The following TMEM69 variants were observed in gnomAD, a reference collection of about 807,000 sequenced individuals.
TMEM69 encodes transmembrane protein 69.
TMEM69 carries 17 observed loss-of-function variants against 15.8 expected under a neutral mutation model. That is an observed-to-expected ratio of 1.07 (90% CI 0.73 to 1.61). The LOEUF (loss-of-function observed/expected upper bound fraction) is 1.61. Among genes scored for constraint, TMEM69 ranks in the 40% most tolerant of loss-of-function variants. TMEM69 has a pLI of 0.00. For missense variants in TMEM69, 230 were observed against 286.1 expected, an observed-to-expected ratio of 0.80 and a Z score of 1.41; for synonymous variants, 80 against 98.6, an observed-to-expected ratio of 0.81 and a Z score of 1.12.
At chr1:45,690,928 A>G (rs927194676) in intron 1 of TMEM69, 46 bp from the exon 2 acceptor site, 83 of 780,162 alleles carry the variant, frequency 1.1e-4, no homozygotes, top group East Asian at 2.7e-4. Context: ...TTAAAAATTA[A>G]TGTATAAAAT....
In TMEM69 at chr1:45,693,912, T is replaced by C. The variant is rs773757962; in HGVS notation, c.*7T>C. 8 of 1,565,398 alleles carry C rather than the reference T, an allele frequency of 5.1e-6. No individual in the cohort carries two copies. Among genetic ancestry groups the C allele is most frequent in the East Asian group, 4.5e-5 (2 of 44,678 alleles). Reference sequence around the variant, plus strand: ...GAGACCTGGTCAAGTATAAAAAATATAAAAGTCTGGGAAGTGAGGAGCACC... The same window carrying C: ...GAGACCTGGTCAAGTATAAAAAATACAAAAGTCTGGGAAGTGAGGAGCACC... On this transcript the variant is annotated 3_prime_UTR_variant, in exon 3 of 3. Coordinates refer to ENST00000372025, the MANE Select transcript of TMEM69 (RefSeq NM_016486.4).
Position 45,693,302 on chromosome 1 carries a change from G to T in TMEM69, c.141G>T (p.Arg47Ser), listed in dbSNP as rs764805057. The T allele has an allele frequency of 3.1e-6, 5 of 1,614,044 alleles. No homozygotes were observed. In the South Asian group the frequency reaches 5.5e-5, roughly 18 times the overall value. The change falls in exon 3 of 3, where the codon AGG (arginine) becomes AGT (serine). Residue 47 changes from arginine to serine, a missense_variant. By Grantham distance (110) the Arg-to-Ser change is moderately radical. Coordinates refer to ENST00000372025, the MANE Select transcript of TMEM69 (RefSeq NM_016486.4). ...AGCAAAACTTTTCCCCATGTCCAAG[G>T]CCTTGGCTTTCCTCATCATTTCCAG... ...SLQQNFSPCPRPWLSSSFPAY... is the reference protein window; with the variant it reads ...SLQQNFSPCPSPWLSSSFPAY...
rs1033610528 is a variant in TMEM69 at position 45,690,853 on chromosome 1, C to T, written c.-95-121C>T. 10 of 589,128 alleles carry T rather than the reference C, an allele frequency of 1.7e-5. 1 individual carries two copies. Among genetic ancestry groups the T allele is most frequent in the African/African-American group, 3.8e-5 (2 of 53,300 alleles). The allele number at this position is 589,128 out of a possible 1,614,324, so 36.5% of individuals were successfully genotyped here. On this transcript the variant is annotated intron_variant, in intron 1 of 2. Transcript: ENST00000372025. ...AGGATCTATTTTGTTACTGTGTTAC[C>T]GACAGTTTGAAAACATTAATGATTC...
At chr1:45,691,875 C>T (rs560316939) in intron 2 of TMEM69, among the ~76,000 whole-genome samples, 324 of 150,930 alleles carry the variant, frequency 2.1e-3, no homozygotes, top group Non-Finnish European at 3.6e-3. Flanking sequence ...AGGCCAGGCA[C>T]GGTCACTCAC....
At chr1:45,692,105 C>A (rs1385800988) in intron 2 of TMEM69, among the ~76,000 whole-genome samples, 1 of 152,124 alleles carries the variant, frequency 6.6e-6, no homozygotes, top group African/African-American at 2.4e-5. Flanking sequence ...AGAGATTGTA[C>A]CACTGCACTC....
At chr1:45,691,564 G>A (rs562471408) in intron 2 of TMEM69, among the ~76,000 whole-genome samples, 1 of 152,028 alleles carries the variant, frequency 6.6e-6, no homozygotes, top group African/African-American at 2.4e-5. Context: ...AATTGGCTAG[G>A]TGCCGTGGCT....
At position 45,693,933 on chromosome 1, in the gene TMEM69, G is replaced by C. The variant is rs759746452; in HGVS notation, c.*28G>C. 5 of 1,451,906 alleles carry C rather than the reference G, an allele frequency of 3.4e-6. No homozygotes were observed. In the African/African-American group the frequency reaches 5.6e-5, roughly 16 times the overall value. The allele number at this position is 1,451,906 out of a possible 1,614,324, so 89.9% of individuals were successfully genotyped here. A position where few individuals can be genotyped will look rare whatever the true frequency, so the allele number is the denominator to read the frequency against. ...AATATAAAAGTCTGGGAAGTGAGGA[G>C]CACCTCTGCCCAGCTGCTGCCCCGT... On this transcript the variant is annotated 3_prime_UTR_variant, in exon 3 of 3. Transcript: ENST00000372025.
In TMEM69 at chr1:45,693,723, A is replaced by G. The variant is rs201332895; in HGVS notation, c.562A>G (p.Thr188Ala). The G allele has an allele frequency of 1.1e-4, 174 of 1,614,208 alleles. No homozygotes were observed. In the African/African-American group the frequency reaches 1.4e-3, roughly 13 times the overall value. Residue 188 changes from threonine to alanine, a missense_variant, in exon 3 of 3, where the codon ACA (threonine) becomes GCA (alanine). By Grantham distance (58) the Thr-to-Ala change is moderately conservative. Transcript: ENST00000372025. ...TGAAAGACTTAGTGAAGCCATAGTC[A>G]CAGTAATAATGGGTATGGGAGTAGC... ...ISERLSEAIV[T>A]VIMGMGVAFH...
At chr1:45,693,089 C>CT (rs1569925396) in intron 2 of TMEM69, 115 bp from the exon 3 acceptor site, 3 of 708,366 alleles carry the variant, frequency 4.2e-6, no homozygotes, top group East Asian at 2.8e-5. Flanking sequence ...GAAAGCAGAT[C>CT]TTTTTTGTTT....
chr1:45,694,141 A>T lies in TMEM69; in HGVS notation c.*236A>T, dbSNP rs543185350. 1,438 of 293,664 alleles carry T rather than the reference A, an allele frequency of 4.9e-3. 11 individuals are homozygous for T. The highest frequency in any genetic ancestry group is 6.6e-3 in the Non-Finnish European group (1,145 of 172,460). 18.2% of individuals were successfully genotyped at this position (293,664 alleles called of 1,614,324 possible). On this transcript the variant is annotated 3_prime_UTR_variant, in exon 3 of 3. Transcript: ENST00000372025. ...TTACTTTTTAGTTAAAAGTTTTAAA[A>T]ATATATATATATAAATACACTGTAG...
chr1:45,691,137 C>G lies in TMEM69; in HGVS notation c.42+27C>G, dbSNP rs1447387690. On this transcript the variant is annotated intron_variant, in intron 2 of 2. Coordinates refer to ENST00000372025, the MANE Select transcript of TMEM69 (RefSeq NM_016486.4). ...TTGGTTTGTTCAGCAGATATTTGAG[C>G]ACTATTTGCCAAATATTGCTTGGGC... The G allele has an allele frequency of 1.9e-6, 3 of 1,608,248 alleles. No homozygotes were observed. In the Admixed American group the frequency reaches 5.0e-5, roughly 27 times the overall value.
chr1:45,693,172 A>T (rs756789644), intron 2 of TMEM69, 32 bp from the exon 3 acceptor site: 1 of 1,462,046 alleles, frequency 6.8e-7, no homozygotes, highest in Non-Finnish European at 9.3e-7. Context: ...ATATATTTTT[A>T]ATTTTGTCTT....
intron 2 of TMEM69, among the ~76,000 whole-genome samples, chr1:45,691,354 C>T (rs1290848788): frequency 1.3e-5 from 2 of 151,890 alleles, no homozygotes; most frequent in African/African-American, 4.8e-5. Flanking sequence ...GAGTTCAAGA[C>T]CAGTCTGGGC....
Position 45,693,752 on chromosome 1 carries a change from C to A in TMEM69, c.591C>A (p.Phe197Leu). Residue 197 changes from phenylalanine to leucine, a missense_variant, in exon 3 of 3, where the codon TTC (phenylalanine) becomes TTA (leucine). Phe to Leu is a conservative substitution (Grantham distance 22). Coordinates refer to ENST00000372025, the MANE Select transcript of TMEM69 (RefSeq NM_016486.4). ...TAATAATGGGTATGGGAGTAGCATT[C>A]CACCTTGAACTTTTTCTCTTACCAC... The part of the protein sequence containing the change: ...VTVIMGMGVA[F>L]HLELFLLPHY... The A allele has an allele frequency of 6.2e-7, 1 of 1,614,192 alleles. No individual in the cohort carries two copies. The highest frequency in any genetic ancestry group is 8.5e-7 in the Non-Finnish European group (1 of 1,180,040).
chr1:45,688,903 ATTTTTTT>A (rs10683143), intron 1 of TMEM69, among the ~76,000 whole-genome samples: 2 of 134,478 alleles, frequency 1.5e-5, no homozygotes, highest in Admixed American at 7.5e-5. Context: ...AGTTCAATCG[ATTTTTTT>A]TTTTTTTTTT....
rs1645359304 is a variant in TMEM69 at position 45,693,466 on chromosome 1, T to G, written c.305T>G (p.Leu102Arg). ...DSPKPALCVT[L>R]AGLIPFVAPP... is the part of the protein sequence containing the mutation. The stretch of plus-strand genomic sequence containing the variant: ...CCAAAGCCAGCATTATGTGTAACTC[T>G]GGCAGGACTAATCCCCTTCGTTGCT... Residue 102 changes from leucine to arginine, a missense_variant, in exon 3 of 3, where the codon CTG (leucine) becomes CGG (arginine). Leu to Arg is a moderately radical substitution (Grantham distance 102). Transcript: ENST00000372025. 4 of 1,614,250 alleles carry G rather than the reference T, an allele frequency of 2.5e-6. No individual in the cohort carries two copies. The highest frequency in any genetic ancestry group is 3.4e-6 in the Non-Finnish European group (4 of 1,180,054).
chr1:45,691,197 A>G, intron 2 of TMEM69, 87 bp downstream of exon 2: 2 of 1,105,714 alleles, frequency 1.8e-6, no homozygotes, highest in African/African-American at 3.1e-5. Flanking sequence ...AAAAATCCTT[A>G]CCCTTGTATA....
At chr1:45,691,594 C>T (rs1384946568) in intron 2 of TMEM69, among the ~76,000 whole-genome samples, 1 of 151,830 alleles carries the variant, frequency 6.6e-6, no homozygotes, top group Non-Finnish European at 1.5e-5. Context: ...AATCCCAGCA[C>T]TTTGGGAGTT....
intron 2 of TMEM69, among the ~76,000 whole-genome samples, chr1:45,692,982 C>A (rs1645354558): frequency 6.6e-6 from 1 of 152,050 alleles, no homozygotes; most frequent in Admixed American, 6.6e-5. Context: ...TCAGTGGTTT[C>A]TTTTGTACAT....
Sources: gnomAD v4.1 joint callset for allele counts (sites outside exome capture counted in the v4.1 genomes callset) on GRCh38, gnomAD v4.1.1 for gene constraint, MANE v1.5 for transcripts, NCBI Gene and HGNC (gene_info 2026-07-23, HGNC 2026-07-21) for gene names.